Variants in PEPD observed in about 807,000 individuals in gnomAD.
PEPD encodes the protein peptidase D.
A neutral mutation model predicts 60.7 loss-of-function variants in PEPD; 53 were observed. The ratio of observed to expected loss-of-function variants is 0.87; its 90% CI spans 0.70 to 1.10. The LOEUF is 1.10. Among genes scored for constraint, PEPD ranks in the 50% least tolerant of loss-of-function variants. The pLI is 0.00. For synonymous variants in PEPD, 267 were observed against 284.1 expected (o/e 0.94, Z 0.60); for missense variants, 711 against 711.9 (o/e 1.00, Z 0.01).
chr19:33,417,753 G>A (rs1407004761), intron 9 of PEPD, among the ~76,000 whole-genome samples: 3 of 152,212 alleles, frequency 2.0e-5, no homozygotes, highest in Non-Finnish European at 4.4e-5. Flanking sequence ...CAGCAGGAGA[G>A]GAGGTCGTGG....
At chr19:33,407,298 C>A (rs1463656509) in intron 11 of PEPD, among the ~76,000 whole-genome samples, 1 of 152,244 alleles carries the variant, frequency 6.6e-6, no homozygotes, top group South Asian at 2.1e-4. Flanking sequence ...AAGGGATGGT[C>A]CCTCTCTGGG....
intron 5 of PEPD, among the ~76,000 whole-genome samples, chr19:33,491,114 A>G (rs1970490524): frequency 2.6e-5 from 4 of 152,188 alleles, no homozygotes. Context: ...AGCAAAAAAA[A>G]GGGGCCAAGT....
At chr19:33,469,038 G>A (rs538428030) in intron 7 of PEPD, among the ~76,000 whole-genome samples, 65 of 152,308 alleles carry the variant, frequency 4.3e-4, no homozygotes, top group African/African-American at 1.0e-3. Context: ...ACGCCAGCCC[G>A]GGGAACCCGC....
intron 9 of PEPD, among the ~76,000 whole-genome samples, chr19:33,454,955 G>C (rs1371027625): frequency 6.6e-6 from 1 of 152,150 alleles, no homozygotes; most frequent in African/African-American, 2.4e-5. Context: ...AACTAAAATT[G>C]AAAGGCATTC....
chr19:33,405,922 G>C (rs765128072), intron 11 of PEPD, among the ~76,000 whole-genome samples: 1 of 152,270 alleles, frequency 6.6e-6, no homozygotes, highest in East Asian at 1.9e-4. Flanking sequence ...TGGTGCACGC[G>C]GTGGGTGACG....
intron 13 of PEPD, chr19:33,388,943 C>A (rs960305893): frequency 6.6e-6 from 1 of 152,384 alleles, no homozygotes; most frequent in Non-Finnish European, 1.5e-5. Flanking sequence ...GGGCACCATC[C>A]GGCCGGCGGC....
intron 12 of PEPD, among the ~76,000 whole-genome samples, chr19:33,391,999 C>T (rs900832198): frequency 6.6e-6 from 1 of 152,216 alleles, no homozygotes; most frequent in African/African-American, 2.4e-5. Flanking sequence ...AAGAGGGGTC[C>T]CTGCACATCC....
At chr19:33,482,418 A>ACCTC (rs1663628308) in intron 6 of PEPD, among the ~76,000 whole-genome samples, 2 of 152,362 alleles carry the variant, frequency 1.3e-5, no homozygotes, top group South Asian at 2.1e-4. Flanking sequence ...TACTCAATGA[A>ACCTC]CTAGGGAGGG....
chr19:33,503,378 C>T (rs1970745969), intron 3 of PEPD, among the ~76,000 whole-genome samples: 1 of 152,204 alleles, frequency 6.6e-6, no homozygotes, highest in Non-Finnish European at 1.5e-5. Flanking sequence ...ATTAAATTTG[C>T]ATGATTCAGT....
At chr19:33,444,824 C>T (rs1409283111) in intron 9 of PEPD, among the ~76,000 whole-genome samples, 4 of 152,106 alleles carry the variant, frequency 2.6e-5, no homozygotes, top group Admixed American at 1.3e-4. Context: ...TCTCTCTCCA[C>T]GTGGCAAGTG....
At chr19:33,462,709 T>C (rs1270204531) in intron 9 of PEPD, among the ~76,000 whole-genome samples, 2 of 152,180 alleles carry the variant, frequency 1.3e-5, no homozygotes, top group Non-Finnish European at 2.9e-5. Context: ...AGCAATTTGG[T>C]AAAGTTTCCT....
intron 12 of PEPD, among the ~76,000 whole-genome samples, chr19:33,400,289 G>A (rs10405598): frequency 0.23 from 34,897 of 152,190 alleles, 4,265 homozygotes; most frequent in East Asian, 0.29. Context: ...AGGTGGCTGG[G>A]GCCTGTGTGC....
chr19:33,498,213 A>C (rs1970644498), intron 4 of PEPD, among the ~76,000 whole-genome samples: 1 of 152,078 alleles, frequency 6.6e-6, no homozygotes, highest in Non-Finnish European at 1.5e-5. Context: ...CATCAACACC[A>C]ATCTGCAATG....
chr19:33,457,700 C>A (rs1182347817), intron 9 of PEPD, among the ~76,000 whole-genome samples: 1 of 152,230 alleles, frequency 6.6e-6, no homozygotes, highest in African/African-American at 2.4e-5. Flanking sequence ...TTAGTAGAGA[C>A]GCGGTTTCAC....
Position 33,448,821 on chromosome 19 carries a change from A to C in PEPD, c.671+14174T>G, listed in dbSNP as rs377404369. 1.4e-4 allele frequency among the ~76,000 whole-genome samples: 21 copies of C among 152,326 alleles called. 2 individuals are homozygous for C. Among genetic ancestry groups the C allele is most frequent in the African/African-American group, 5.1e-4 (21 of 41,564 alleles). ...CTACTCTGATTTTCAGGAAAAGCCA[A>C]AAAAATCTGATTTTTCAAATTTGGT... On this transcript the variant is annotated intron_variant, in intron 9 of 14. Coordinates refer to ENST00000244137, the MANE Select transcript of PEPD (RefSeq NM_000285.4).
At chr19:33,430,364 G>A (rs755883735) in intron 9 of PEPD, among the ~76,000 whole-genome samples, 36 of 152,082 alleles carry the variant, frequency 2.4e-4, no homozygotes, top group Non-Finnish European at 4.3e-4. Flanking sequence ...TCGAAGTGTC[G>A]TTCACACTGG....
At chr19:33,394,278 T>A (rs1433206147) in intron 12 of PEPD, among the ~76,000 whole-genome samples, 1 of 152,234 alleles carries the variant, frequency 6.6e-6, no homozygotes, top group African/African-American at 2.4e-5. Context: ...CCAACCAGGC[T>A]AACTTCAGCA....
Position 33,511,171 on chromosome 19 carries a change from G to T in PEPD, c.202-16C>A, listed in dbSNP as rs756746814. The stretch of plus-strand genomic sequence containing the variant: ...AGAAGGACTCCTGTGGCGGGAACAA[G>T]AACTATTGTTAGCCAGTGGAACATG... On this transcript the variant is annotated splice_polypyrimidine_tract_variant and intron_variant, in intron 2 of 14. Transcript: ENST00000244137. 14 of 1,613,538 alleles carry T rather than the reference G, an allele frequency of 8.7e-6. No homozygotes were observed. The East Asian group carries it at 3.1e-4, about 36-fold the overall frequency.
chr19:33,410,714 C>T (rs565708500), intron 11 of PEPD, among the ~76,000 whole-genome samples: 11 of 152,316 alleles, frequency 7.2e-5, no homozygotes, highest in African/African-American at 2.6e-4. Context: ...TCGGGTGCAT[C>T]TGCCATAGAA....
Sources: allele counts gnomAD v4.1 joint callset (sites outside exome capture counted in the v4.1 genomes callset), GRCh38; gene constraint gnomAD v4.1.1; transcripts MANE v1.5; gene names NCBI Gene and HGNC (gene_info 2026-07-23, HGNC 2026-07-21).